The following ITPR2 variants were observed in gnomAD, a reference collection of about 807,000 sequenced individuals.
ITPR2 encodes the protein inositol 1,4,5-trisphosphate receptor type 2, also known as inositol 1,4,5-trisphosphate-gated calcium channel ITPR2.
ITPR2 carries 207 observed loss-of-function variants against 317.1 expected under a neutral mutation model. That is an observed-to-expected ratio of 0.65 (90% CI 0.58 to 0.73). The LOEUF (loss-of-function observed/expected upper bound fraction) is 0.73, where lower values mean the gene tolerates loss of function less well. ITPR2 is among the 30% of genes least tolerant of loss of function. The probability of loss-of-function intolerance (pLI) is 0.00; values close to 1 mark genes in which losing one functional copy is unlikely to be tolerated. For synonymous variants in ITPR2, 1,156 were observed against 1,149.1 expected, an observed-to-expected ratio of 1.01 and a Z score of -0.12; for missense variants, 2,613 against 3,284.0, an observed-to-expected ratio of 0.80 and a Z score of 4.99.
At chr12:26,515,303 C>G (rs1591846505) in intron 37 of ITPR2, among the ~76,000 whole-genome samples, 2 of 152,140 alleles carry the variant, frequency 1.3e-5, no homozygotes. Context: ...AGAAAAGCAG[C>G]ATGTCTCTCA....
At chr12:26,605,126 A>ATATATATATATATATATATAT (rs373595249) in intron 26 of ITPR2, among the ~76,000 whole-genome samples, 47 of 136,266 alleles carry the variant, frequency 3.4e-4, no homozygotes, top group Non-Finnish European at 5.6e-4. Context: ...AAAAAATAAA[A>ATATATATATATATATATATAT]ATATATATAT....
At chr12:26,692,446 T>C (rs1242448833) in intron 10 of ITPR2, among the ~76,000 whole-genome samples, 2 of 151,984 alleles carry the variant, frequency 1.3e-5, no homozygotes, top group Admixed American at 1.3e-4. Flanking sequence ...CCAAGAAAAA[T>C]CAGATCATAT....
rs116594307 is a variant in ITPR2, at chr12:26,569,872, C to A, written c.4631-7920G>T. Among the ~76,000 whole-genome samples the A allele has an allele frequency of 5.3e-3, 814 of 152,270 alleles. 9 individuals are homozygous for A. Among genetic ancestry groups the A allele is most frequent in the African/African-American group, 0.019 (775 of 41,540 alleles). ...TGGAGTGTAAATTGAACAATCTCTA[C>A]AGAGGGCAGCATCCGTCAGAAGTGA... On this transcript the variant is annotated intron_variant, in intron 34 of 56. Coordinates refer to ENST00000381340, the MANE Select transcript of ITPR2 (RefSeq NM_002223.4).
intron 21 of ITPR2, among the ~76,000 whole-genome samples, chr12:26,645,630 A>G (rs1439698198): frequency 6.6e-6 from 1 of 152,244 alleles, no homozygotes; most frequent in Non-Finnish European, 1.5e-5. Flanking sequence ...GGAAGTGCTA[A>G]GTCCAGAAAT....
chr12:26,584,212 C>A (rs970878883), intron 32 of ITPR2, among the ~76,000 whole-genome samples: 7 of 152,104 alleles, frequency 4.6e-5, no homozygotes, highest in Non-Finnish European at 7.4e-5. Flanking sequence ...TCAAGGATTC[C>A]TGTTTATTTA....
intron 55 of ITPR2, among the ~76,000 whole-genome samples, chr12:26,358,560 C>T (rs1283247318): frequency 3.9e-5 from 6 of 152,182 alleles, no homozygotes; most frequent in East Asian, 1.9e-4. Context: ...TCCATCATCC[C>T]GGCTGTGTTT....
intron 37 of ITPR2, among the ~76,000 whole-genome samples, chr12:26,521,955 C>T (rs1943678278): frequency 1.3e-5 from 2 of 152,124 alleles, no homozygotes. Context: ...GGAGGCTAGC[C>T]TTTTTATAGC....
chr12:26,439,421 A>G (rs1163859291), intron 46 of ITPR2, 102 bp from the exon 47 acceptor site: 2 of 824,162 alleles, frequency 2.4e-6, no homozygotes, highest in Non-Finnish European at 1.8e-6. Flanking sequence ...TTATGAATTC[A>G]GTTGTGAAAA....
chr12:26,670,275 A>ACCCCT (rs1947733387), intron 13 of ITPR2, among the ~76,000 whole-genome samples: 1 of 152,208 alleles, frequency 6.6e-6, no homozygotes, highest in Non-Finnish European at 1.5e-5. Flanking sequence ...CTGACCCCTG[A>ACCCCT]GCAGCCTAAC....
chr12:26,530,411 C>T (rs1376147161), intron 37 of ITPR2, among the ~76,000 whole-genome samples: 1 of 152,196 alleles, frequency 6.6e-6, no homozygotes, highest in Non-Finnish European at 1.5e-5. Context: ...GTGTTGCCAA[C>T]AGTCATCATC....
chr12:26,411,330 A>G lies in ITPR2; in HGVS notation c.7389T>C (p.Ala2463=), dbSNP rs763888541. Residue 2463 remains alanine, a synonymous_variant, in exon 52 of 57, where the codon GCT becomes GCC. Transcript: ENST00000381340. The part of the protein sequence containing the change: ...AKENCSPTIP[A]SNTADEEYED... ...GTCCTTTCTACAAACCTGTATTTGA[A>G]GCTGGAATTGTGGGTGAACAGTTCT... The G allele has an allele frequency of 4.3e-6, 7 of 1,612,610 alleles. No homozygotes were observed. Among genetic ancestry groups the G allele is most frequent in the African/African-American group, 1.3e-5 (1 of 74,872 alleles).
rs148613332 is a variant in ITPR2 at position 26,367,145 on chromosome 12, G to A, written c.7857+20289C>T. On this transcript the variant is annotated intron_variant, in intron 55 of 56. Coordinates refer to ENST00000381340, the MANE Select transcript of ITPR2 (RefSeq NM_002223.4). ...TTAGATATATACTTTTATCTCTGAAGGGCCTTTGAGAAAATTGTATAAAGT... is the reference window on the plus strand; with the variant it reads ...TTAGATATATACTTTTATCTCTGAAAGGCCTTTGAGAAAATTGTATAAAGT... Among the ~76,000 whole-genome samples the A allele has an allele frequency of 1.7e-3, 258 of 152,184 alleles. 7 individuals are homozygous for A. The East Asian group carries it at 0.041, about 24-fold the overall frequency.
intron 15 of ITPR2, 100 bp from the exon 16 acceptor site, chr12:26,659,385 G>A: frequency 2.9e-6 from 3 of 1,036,386 alleles, no homozygotes; most frequent in Non-Finnish European, 4.2e-6. Flanking sequence ...CACAACAGAA[G>A]GTTCACTAAA....
intron 32 of ITPR2, among the ~76,000 whole-genome samples, chr12:26,584,773 C>T (rs1011450517): frequency 2.0e-5 from 3 of 152,160 alleles, no homozygotes; most frequent in Non-Finnish European, 4.4e-5. Context: ...AGTTGGGAAG[C>T]GGCTACTCTA....
intron 26 of ITPR2, among the ~76,000 whole-genome samples, chr12:26,605,310 C>T (rs1443090591): frequency 6.6e-6 from 1 of 151,828 alleles, no homozygotes; most frequent in Non-Finnish European, 1.5e-5. Context: ...GAAGTAGAAA[C>T]TGCAAAAGCT....
At chr12:26,508,339 TC>T (rs1271217108) in intron 37 of ITPR2, among the ~76,000 whole-genome samples, 7 of 152,344 alleles carry the variant, frequency 4.6e-5, no homozygotes, top group South Asian at 4.1e-4. Flanking sequence ...GTATGTGGCA[TC>T]ACTATTATAC....
intron 13 of ITPR2, among the ~76,000 whole-genome samples, chr12:26,674,384 T>G (rs987283791): frequency 2.0e-5 from 3 of 152,036 alleles, no homozygotes; most frequent in African/African-American, 7.2e-5. Flanking sequence ...CCCTCAGAAA[T>G]AACACCGCAT....
intron 2 of ITPR2, among the ~76,000 whole-genome samples, chr12:26,733,494 CTAA>C (rs1949061271): frequency 6.6e-6 from 1 of 151,868 alleles, no homozygotes; most frequent in South Asian, 2.1e-4. Context: ...TAAAAAGAAA[CTAA>C]TGAGTGGTTT....
At chr12:26,811,601 G>A (rs1282918045) in intron 1 of ITPR2, among the ~76,000 whole-genome samples, 1 of 151,596 alleles carries the variant, frequency 6.6e-6, no homozygotes, top group Non-Finnish European at 1.5e-5. Flanking sequence ...GCAGGAGAAT[G>A]GCATGAACCC....
Sources: gnomAD v4.1 joint callset for allele counts (sites outside exome capture counted in the v4.1 genomes callset) on GRCh38, gnomAD v4.1.1 for gene constraint, MANE v1.5 for transcripts, NCBI Gene and HGNC (gene_info 2026-07-23, HGNC 2026-07-21) for gene names.